Variants in RNLS observed in about 807,000 individuals in gnomAD.
RNLS encodes the protein renalase, FAD dependent amine oxidase, also known as renalase.
Under a neutral mutation model 39.8 loss-of-function variants are expected in RNLS, and 39 were observed. That is an observed-to-expected ratio of 0.98 (90% CI 0.76 to 1.28). The LOEUF (loss-of-function observed/expected upper bound fraction) is 1.28. Among genes scored for constraint, RNLS ranks in the 50% most tolerant of loss-of-function variants. The pLI, the probability that RNLS is intolerant of heterozygous loss-of-function variation, is 0.00. For synonymous variants in RNLS, 147 were observed against 150.7 expected (o/e 0.98, Z 0.18); for missense variants, 410 against 413.3 (o/e 0.99, Z 0.07).
downstream of RNLS, among the ~76,000 whole-genome samples, chr10:88,270,296 T>A (rs1842614987): frequency 6.6e-6 from 1 of 152,164 alleles, no homozygotes; most frequent in Non-Finnish European, 1.5e-5. Flanking sequence ...AAGATCTCCT[T>A]CTCCTTGAGC....
At chr10:88,187,754 A>G in the RNLS span, among the ~76,000 whole-genome samples, 1 of 152,208 alleles carries the variant, frequency 6.6e-6, no homozygotes, top group Non-Finnish European at 1.5e-5. Context: ...CATAGGACTG[A>G]GATAACTTTT....
chr10:88,373,704 C>G (rs1054198797), intron 4 of RNLS, among the ~76,000 whole-genome samples: 3 of 151,878 alleles, frequency 2.0e-5, no homozygotes, highest in African/African-American at 7.3e-5. Flanking sequence ...AAATATTGTT[C>G]ATTTTTCTTG....
At chr10:88,512,600 G>A (rs947060998) in intron 4 of RNLS, among the ~76,000 whole-genome samples, 1 of 152,056 alleles carries the variant, frequency 6.6e-6, no homozygotes, top group African/African-American at 2.4e-5. Flanking sequence ...TGGCTCCTAA[G>A]TATCTGTAAG....
intron 4 of RNLS, among the ~76,000 whole-genome samples, chr10:88,407,794 A>C (rs1286871695): frequency 6.6e-6 from 1 of 152,124 alleles, no homozygotes; most frequent in Non-Finnish European, 1.5e-5. Context: ...TTTCATTATT[A>C]GTATTTGCTC....
chr10:88,518,186 T>A (rs1350733137), intron 4 of RNLS, among the ~76,000 whole-genome samples: 1 of 151,808 alleles, frequency 6.6e-6, no homozygotes, highest in Non-Finnish European at 1.5e-5. Context: ...TTTATTAAAA[T>A]ACATGAAAAA....
At chr10:88,447,956 T>C (rs1400372058) in intron 4 of RNLS, among the ~76,000 whole-genome samples, 1 of 152,222 alleles carries the variant, frequency 6.6e-6, no homozygotes, top group Non-Finnish European at 1.5e-5. Context: ...GCTAGCTATA[T>C]GTAGAAAGCT....
intron 4 of RNLS, among the ~76,000 whole-genome samples, chr10:88,510,846 C>T (rs1374333608): frequency 1.4e-5 from 2 of 143,222 alleles, no homozygotes; most frequent in Middle Eastern, 3.4e-3. Flanking sequence ...GATTCTGTTT[C>T]GAGAAAAAAA....
In RNLS at chr10:88,314,303, A is replaced by G. The variant is rs562575496; in HGVS notation, c.876+163T>C. ...TGTTGAGAAACAGCAGGACCATAAA[A>G]CCCATAGAAGTTATATTTATGTGTT... On this transcript the variant is annotated intron_variant, in intron 6 of 6. Coordinates refer to ENST00000331772, the MANE Select transcript of RNLS (RefSeq NM_001031709.3). Among the ~76,000 whole-genome samples, 50 of 152,188 alleles carry G rather than the reference A, an allele frequency of 3.3e-4. 1 individual carries two copies. In the South Asian group the frequency reaches 8.1e-3, roughly 25 times the overall value.
chr10:88,474,817 T>A (rs977760463), intron 4 of RNLS, among the ~76,000 whole-genome samples: 2 of 152,160 alleles, frequency 1.3e-5, no homozygotes, highest in African/African-American at 4.8e-5. Flanking sequence ...TAAGCACTGA[T>A]CCTGGTGCAG....
chr10:88,375,672 T>G lies in RNLS; in HGVS notation c.527-12947A>C, dbSNP rs527456791. Among the ~76,000 whole-genome samples the G allele has an allele frequency of 2.6e-5, 4 of 152,282 alleles. No individual in the cohort carries two copies. The East Asian group carries it at 5.8e-4, about 22-fold the overall frequency. ...GTTTCTAATTTAGAAACAATTTCAC[T>G]GTGCTAGTTTCTCCTTTTGCACAAA... is the stretch of plus-strand genomic sequence containing the variant. On this transcript the variant is annotated intron_variant, in intron 4 of 6. Coordinates refer to ENST00000331772, the MANE Select transcript of RNLS (RefSeq NM_001031709.3).
chr10:88,482,699 C>A (rs1844266294), intron 4 of RNLS, among the ~76,000 whole-genome samples: 1 of 152,066 alleles, frequency 6.6e-6, no homozygotes, highest in Admixed American at 6.6e-5. Flanking sequence ...CTTGGTTACA[C>A]TTTCTAGTTT....
At chr10:88,365,110 T>C (rs934243232) in intron 4 of RNLS, among the ~76,000 whole-genome samples, 1 of 151,994 alleles carries the variant, frequency 6.6e-6, no homozygotes, top group African/African-American at 2.4e-5. Context: ...TTGATATCTA[T>C]ATAGAAACAG....
intron 4 of RNLS, among the ~76,000 whole-genome samples, chr10:88,474,904 A>T (rs1292535792): frequency 6.6e-6 from 1 of 152,196 alleles, no homozygotes; most frequent in Non-Finnish European, 1.5e-5. Flanking sequence ...AAAAGCAGGT[A>T]GCAAAGAAAT....
chr10:88,528,270 T>A (rs903518060), intron 4 of RNLS, among the ~76,000 whole-genome samples: 1 of 152,146 alleles, frequency 6.6e-6, no homozygotes, highest in Admixed American at 6.5e-5. Context: ...AGACAACAAA[T>A]CAGTATCTTT....
chr10:88,384,999 C>T (rs536100101), intron 4 of RNLS, among the ~76,000 whole-genome samples: 1 of 152,240 alleles, frequency 6.6e-6, no homozygotes, highest in East Asian at 1.9e-4. Flanking sequence ...AGCTGAGGTA[C>T]CCTCCTCTAT....
At position 88,285,055 on chromosome 10, in the gene RNLS, T is replaced by G; in HGVS notation, c.*299A>C. ...CACACAAACTGTTATTGTGATTTAA[T>G]GTAATTTTTTTGAGAGAGTCGTTTG... On this transcript the variant is annotated 3_prime_UTR_variant, in exon 7 of 7. Transcript: ENST00000331772. The G allele has an allele frequency of 9.9e-7, 1 of 1,010,358 alleles. No homozygotes were observed. The highest frequency in any genetic ancestry group is 1.2e-6 in the Non-Finnish European group (1 of 845,368). 62.6% of individuals were successfully genotyped at this position (1,010,358 alleles called of 1,614,324 possible).
At chr10:88,357,480 T>C (rs1348316307) in intron 5 of RNLS, among the ~76,000 whole-genome samples, 1 of 152,230 alleles carries the variant, frequency 6.6e-6, no homozygotes, top group Admixed American at 6.5e-5. Context: ...CTGGGAATCA[T>C]TCTTAGTTGT....
downstream of RNLS, among the ~76,000 whole-genome samples, chr10:88,273,043 A>G (rs1842692295): frequency 6.6e-6 from 1 of 151,844 alleles, no homozygotes; most frequent in Non-Finnish European, 1.5e-5. Context: ...TGTTCTTGTG[A>G]CCTCTCCCCA....
At chr10:88,502,447 T>C (rs1317824142) in intron 4 of RNLS, among the ~76,000 whole-genome samples, 1 of 152,112 alleles carries the variant, frequency 6.6e-6, no homozygotes, top group Non-Finnish European at 1.5e-5. Flanking sequence ...TTCTCTCTAA[T>C]GCATCCTCAG....
Sources: allele counts gnomAD v4.1 joint callset (sites outside exome capture counted in the v4.1 genomes callset), GRCh38; gene constraint gnomAD v4.1.1; transcripts MANE v1.5; gene names NCBI Gene and HGNC (gene_info 2026-07-23, HGNC 2026-07-21).